Variants in STK4 observed in about 807,000 individuals in gnomAD.
The protein encoded by STK4 is serine/threonine-protein kinase 4.
Under a neutral mutation model 64.9 loss-of-function variants are expected in STK4, and 30 were observed. The observed-to-expected ratio is 0.46, with a 90% confidence interval of 0.35 to 0.63. The LOEUF (loss-of-function observed/expected upper bound fraction) is 0.63. STK4 is among the 20% of genes least tolerant of loss of function. The pLI is 0.01. For missense variants in STK4, 466 were observed against 598.5 expected (o/e 0.78, Z 2.31); for synonymous variants, 177 against 199.0 (o/e 0.89, Z 0.93).
intron 2 of STK4, among the ~76,000 whole-genome samples, chr20:44,978,038 T>C (rs1026992809): frequency 1.3e-5 from 2 of 152,224 alleles, no homozygotes; most frequent in Non-Finnish European, 2.9e-5. Context: ...CCTGGACTGA[T>C]AACTTATGTG....
At chr20:44,966,687 G>A in intron 1 of STK4, 84 bp downstream of exon 1, 2 of 1,245,730 alleles carry the variant, frequency 1.6e-6, no homozygotes, top group Non-Finnish European at 1.0e-6. Context: ...ACCTGTGTGG[G>A]AGTCCCCGGA....
intron 5 of STK4, among the ~76,000 whole-genome samples, chr20:44,989,226 T>C (rs1185297612): frequency 6.6e-6 from 1 of 152,208 alleles, no homozygotes; most frequent in Non-Finnish European, 1.5e-5. Flanking sequence ...TTGTGTTCCC[T>C]GCTGATGTAT....
chr20:45,023,927 G>GTC (rs2068296342), intron 9 of STK4, among the ~76,000 whole-genome samples: 1 of 128,810 alleles, frequency 7.8e-6, no homozygotes, highest in African/African-American at 3.0e-5. Flanking sequence ...TTGAGACAGA[G>GTC]TCTCGCTCTG....
chr20:45,073,914 A>G (rs1186676716), intron 10 of STK4, among the ~76,000 whole-genome samples: 2 of 152,220 alleles, frequency 1.3e-5, no homozygotes, highest in African/African-American at 4.8e-5. Flanking sequence ...AATACATGTG[A>G]TGAGACACTG....
In STK4 at chr20:44,987,146, A is replaced by G; in HGVS notation, c.375A>G (p.Glu125=). The G allele has an allele frequency of 6.3e-7, 1 of 1,589,848 alleles. No individual in the cohort carries two copies. The highest frequency in any genetic ancestry group is 1.1e-5 in the South Asian group (1 of 87,320). ...TCTTTTTTCAGTTAACAGAAGATGA[A>G]ATAGCTACAATATTACAATCAACTC... ...RLRNKTLTED[E]IATILQSTLK... The change falls in exon 5 of 11, where the codon GAA becomes GAG. Residue 125 remains glutamate, a synonymous_variant. Transcript: ENST00000372806.
rs922754873 is a variant in STK4, at chr20:45,000,115, C to G, written c.832-277C>G. On this transcript the variant is annotated intron_variant, in intron 7 of 10. Coordinates refer to ENST00000372806, the MANE Select transcript of STK4 (RefSeq NM_006282.5). ...TCCCAACATGTTTACACAAGTTCCT[C>G]CAGGAGATGATACTCCCTATTGAGA... Among the ~76,000 whole-genome samples the G allele has an allele frequency of 2.4e-4, 36 of 152,168 alleles. 1 individual carries two copies. The highest frequency in any genetic ancestry group is 8.7e-4 in the African/African-American group (36 of 41,442).
intron 10 of STK4, chr20:45,053,252 G>T (rs919030765): frequency 2.3e-6 from 3 of 1,318,010 alleles, no homozygotes; most frequent in Non-Finnish European, 3.2e-6. Flanking sequence ...TAGCTGATTT[G>T]AGCTGGGTTT....
In STK4 at chr20:45,075,076, T is replaced by C; in HGVS notation, c.1364T>C (p.Met455Thr). Residue 455 changes from methionine (M) to threonine (T), a missense_variant, in exon 11 of 11, where the codon ATG becomes ACG. Transcript: ENST00000372806. Reference protein sequence around the residue: ...QKRLLALDPMMEQEIEEIRQK... With the variant: ...QKRLLALDPMTEQEIEEIRQK... ...AGGCTCTTGGCCCTGGACCCCATGA[T>C]GGAGCAGGAGATTGAAGAGATCCGG... is the stretch of plus-strand genomic sequence containing the variant. 2 of 1,614,150 alleles carry C rather than the reference T, an allele frequency of 1.2e-6. No homozygotes were observed. The highest frequency in any genetic ancestry group is 1.7e-6 in the Non-Finnish European group (2 of 1,180,026).
At chr20:44,977,934 T>C (rs1175322916) in intron 2 of STK4, among the ~76,000 whole-genome samples, 2 of 152,212 alleles carry the variant, frequency 1.3e-5, no homozygotes, top group Admixed American at 1.3e-4. Flanking sequence ...CACTTCCATA[T>C]TGTACCCCAG....
chr20:45,054,511 A>G (rs907465216), intron 10 of STK4, among the ~76,000 whole-genome samples: 3 of 147,322 alleles, frequency 2.0e-5, no homozygotes, highest in African/African-American at 5.0e-5. Context: ...GCAGTAAGCT[A>G]TGATTGCACC....
At chr20:45,022,659 A>G (rs983114580) in intron 9 of STK4, among the ~76,000 whole-genome samples, 2 of 152,244 alleles carry the variant, frequency 1.3e-5, no homozygotes, top group Non-Finnish European at 2.9e-5. Context: ...TCAATTTCTT[A>G]AGTCCACCTG....
At chr20:45,054,658 G>T (rs748737020) in intron 10 of STK4, among the ~76,000 whole-genome samples, 2 of 151,278 alleles carry the variant, frequency 1.3e-5, no homozygotes, top group African/African-American at 2.4e-5. Context: ...CCACTTGCGG[G>T]CTGTGTTAAC....
intron 10 of STK4, among the ~76,000 whole-genome samples, chr20:45,067,774 T>A (rs1979707046): frequency 6.6e-6 from 1 of 152,168 alleles, no homozygotes; most frequent in Non-Finnish European, 1.5e-5. Flanking sequence ...CTAAGGTGAT[T>A]TATGAAGAAA....
intron 10 of STK4, among the ~76,000 whole-genome samples, chr20:45,052,356 G>T (rs943380083): frequency 2.0e-5 from 3 of 151,998 alleles, no homozygotes; most frequent in African/African-American, 7.3e-5. Flanking sequence ...ACACAGCTGA[G>T]ATCATTCTGC....
chr20:45,055,548 C>A (rs1978395179), intron 10 of STK4, among the ~76,000 whole-genome samples: 1 of 151,750 alleles, frequency 6.6e-6, no homozygotes, highest in Admixed American at 6.6e-5. Flanking sequence ...TAAGCCCAAA[C>A]CAGCTTTTGG....
chr20:45,007,554 AAACAAAC>A (rs1164324249), intron 9 of STK4, among the ~76,000 whole-genome samples: 1 of 151,750 alleles, frequency 6.6e-6, no homozygotes, highest in African/African-American at 2.4e-5. Context: ...CTCAAAAAAC[AAACAAAC>A]AAAAAAAAGA....
intron 1 of STK4, among the ~76,000 whole-genome samples, chr20:44,971,351 C>G (rs1739072123): frequency 6.6e-6 from 1 of 152,274 alleles, no homozygotes; most frequent in Admixed American, 6.5e-5. Flanking sequence ...ATCTGAAACT[C>G]ACAGCTGCCT....
intron 10 of STK4, among the ~76,000 whole-genome samples, chr20:45,053,397 A>G (rs1978301486): frequency 6.6e-6 from 1 of 152,124 alleles, no homozygotes; most frequent in South Asian, 2.1e-4. Flanking sequence ...TGGTTCGGAG[A>G]CTGCTTGATC....
intron 6 of STK4, among the ~76,000 whole-genome samples, chr20:44,996,332 C>A (rs553286385): frequency 6.7e-6 from 1 of 149,388 alleles, no homozygotes; most frequent in East Asian, 1.9e-4. Context: ...TTGTAATACA[C>A]CCCCCCGCCA....
Sources: gnomAD v4.1 joint callset for allele counts (sites outside exome capture counted in the v4.1 genomes callset) on GRCh38, gnomAD v4.1.1 for gene constraint, MANE v1.5 for transcripts, NCBI Gene and HGNC (gene_info 2026-07-23, HGNC 2026-07-21) for gene names.